Variants in SOX13 observed in about 807,000 individuals in gnomAD.
SOX13 encodes the protein SRY-box transcription factor 13.
In SOX13, 28 loss-of-function variants were observed where a neutral mutation model predicts 71.8. The ratio of observed to expected loss-of-function variants is 0.39; its 90% CI spans 0.29 to 0.53. The LOEUF (loss-of-function observed/expected upper bound fraction) is 0.53. SOX13 is among the 20% of genes least tolerant of loss of function. The pLI, the probability that SOX13 is intolerant of heterozygous loss-of-function variation, is 0.70. For synonymous variants in SOX13, 309 were observed against 317.8 expected (o/e 0.97, Z 0.29); for missense variants, 627 against 810.3 (o/e 0.77, Z 2.75).
In SOX13 at chr1:204,117,159, A is replaced by G. The variant is rs765761015; in HGVS notation, c.629A>G (p.His210Arg). ...CAGCAGCAGCTGATTCAGCAGCAGC[A>G]TAAGATCAACCTCCTTCAGCAGCAG... is the stretch of plus-strand genomic sequence containing the variant. ...KQQQQLIQQQHKINLLQQQIQ... is the reference protein window; with the variant it reads ...KQQQQLIQQQRKINLLQQQIQ... The change falls in exon 6 of 14, where the codon CAT becomes CGT. Residue 210 changes from histidine to arginine, a missense_variant. Physicochemically the swap from His to Arg is conservative, Grantham distance 29. Coordinates refer to ENST00000367204, the MANE Select transcript of SOX13 (RefSeq NM_005686.3). The G allele has an allele frequency of 9.9e-6, 16 of 1,613,896 alleles. No individual in the cohort carries two copies. The highest frequency in any genetic ancestry group is 4.5e-5 in the East Asian group (2 of 44,894).
chr1:204,097,808 C>T (rs1183780871), intron 1 of SOX13, among the ~76,000 whole-genome samples: 1 of 151,958 alleles, frequency 6.6e-6, no homozygotes. Flanking sequence ...TCAATGGCCA[C>T]CTCCTGGATG....
At chr1:204,115,368 G>A (rs969458266) in intron 4 of SOX13, among the ~76,000 whole-genome samples, 2 of 150,896 alleles carry the variant, frequency 1.3e-5, no homozygotes, top group African/African-American at 2.4e-5. Flanking sequence ...CTTTAAAACC[G>A]TACAGATGCC....
intron 1 of SOX13, among the ~76,000 whole-genome samples, chr1:204,097,477 A>C (rs1656273876): frequency 1.3e-5 from 2 of 152,140 alleles, no homozygotes; most frequent in Non-Finnish European, 2.9e-5. Flanking sequence ...GGATCACCTG[A>C]GGTCGGGAGT....
At chr1:204,103,943 T>A (rs554420398) in intron 1 of SOX13, among the ~76,000 whole-genome samples, 1 of 152,298 alleles carries the variant, frequency 6.6e-6, no homozygotes, top group Non-Finnish European at 1.5e-5. Flanking sequence ...AGCAGTCCCA[T>A]CTGTCTCTTT....
At chr1:204,074,387 T>G (rs1044026342) in intron 1 of SOX13, 1 of 140,042 alleles carries the variant, frequency 7.1e-6, no homozygotes, top group Admixed American at 7.2e-5. Context: ...TGGGATATCG[T>G]AGGTGAGCCT....
intron 4 of SOX13, 64 bp downstream of exon 4, chr1:204,114,669 C>T (rs893768667): frequency 4.8e-5 from 61 of 1,267,922 alleles, no homozygotes; most frequent in Middle Eastern, 2.2e-4. Context: ...GGTCTGGCCA[C>T]GCAGCCTGGC....
chr1:204,123,893 A>C lies in SOX13; in HGVS notation c.1375+89A>C, dbSNP rs949478870. On this transcript the variant is annotated intron_variant, in intron 12 of 13. Transcript: ENST00000367204. This position sits in a 1 kb window ranked among gnomAD's most constrained non-coding sequence, Gnocchi z 5.0. ...TTCAGGGCTTGCTTGGTGATATTCC[A>C]TACTGTGTTGGACTCCAGTGGAATC... 9.0e-5 allele frequency: 131 copies of C among 1,458,138 alleles called. 1 individual carries two copies. The highest frequency in any genetic ancestry group is 7.0e-4 in the Admixed American group (38 of 54,392). 90.3% of individuals were successfully genotyped at this position (1,458,138 alleles called of 1,614,324 possible).
intron 1 of SOX13, among the ~76,000 whole-genome samples, chr1:204,089,810 G>A (rs966138351): frequency 6.6e-6 from 1 of 152,314 alleles, no homozygotes; most frequent in East Asian, 1.9e-4. Flanking sequence ...ATTCCTGGAG[G>A]TGCGTCCCTT....
At position 204,122,930 on chromosome 1, in the gene SOX13, C is replaced by T. The variant is rs1231703997; in HGVS notation, c.1101C>T (p.Ala367=). The change falls in exon 10 of 14, where the codon GCC becomes GCT. Residue 367 remains alanine, a synonymous_variant. Transcript: ENST00000367204. ...ARQLLHSHSG[A]LDGSPNTPFR... is the part of the protein sequence containing the mutation. ...AGCTGCTGCACAGCCACAGTGGGGC[C>T]TTGGATGGCTCCCCCAACACCCCCT... is the stretch of plus-strand genomic sequence containing the variant. The T allele has an allele frequency of 1.3e-6, 2 of 1,590,426 alleles. No individual in the cohort carries two copies. Among genetic ancestry groups the T allele is most frequent in the Non-Finnish European group, 1.7e-6 (2 of 1,167,526 alleles).
At chr1:204,108,764 G>A (rs548176875) in intron 1 of SOX13, among the ~76,000 whole-genome samples, 14 of 152,222 alleles carry the variant, frequency 9.2e-5, no homozygotes, top group Non-Finnish European at 1.9e-4. Flanking sequence ...CACTTCCTTT[G>A]GCTTTATTGC....
intron 1 of SOX13, among the ~76,000 whole-genome samples, chr1:204,098,468 G>C (rs1286535654): frequency 6.7e-6 from 1 of 149,876 alleles, no homozygotes; most frequent in African/African-American, 2.5e-5. Context: ...GACAGAGCGA[G>C]ACTCAAAAAA....
At chr1:204,124,896 G>A (rs1285262974) in intron 13 of SOX13, 39 bp downstream of exon 13, 2 of 1,433,024 alleles carry the variant, frequency 1.4e-6, no homozygotes, top group Non-Finnish European at 1.9e-6. Flanking sequence ...GAGACTGTGT[G>A]TACATGTGTA....
At chr1:204,089,642 C>G (rs1184936560) in intron 1 of SOX13, among the ~76,000 whole-genome samples, 1 of 152,206 alleles carries the variant, frequency 6.6e-6, no homozygotes, top group African/African-American at 2.4e-5. Flanking sequence ...GGTGGAATTT[C>G]ACTTGGCGGC....
chr1:204,089,303 C>G (rs770144942), intron 1 of SOX13, among the ~76,000 whole-genome samples: 1 of 152,138 alleles, frequency 6.6e-6, no homozygotes, highest in Non-Finnish European at 1.5e-5. Flanking sequence ...TGAGCCCAGC[C>G]CCGTGTGGGG....
chr1:204,126,391 A>G lies in SOX13; in HGVS notation c.*257A>G. Reference sequence around the variant, plus strand: ...CTGAGCACCTCAGCCTTTAGGGCTTATGGCCAGGGGACACTGTATGACTCT... The same window carrying G: ...CTGAGCACCTCAGCCTTTAGGGCTTGTGGCCAGGGGACACTGTATGACTCT... On this transcript the variant is annotated 3_prime_UTR_variant, in exon 14 of 14. Transcript: ENST00000367204. 1 of 542,026 alleles carries G rather than the reference A, an allele frequency of 1.8e-6. No homozygotes were observed. Among genetic ancestry groups the G allele is most frequent in the South Asian group, 2.1e-5 (1 of 46,570 alleles). The allele number at this position is 542,026 out of a possible 1,614,324, so 33.6% of individuals were successfully genotyped here. A position where few individuals can be genotyped will look rare whatever the true frequency, so the allele number is the denominator to read the frequency against.
intron 13 of SOX13, among the ~76,000 whole-genome samples, chr1:204,125,577 CAAAA>C (rs1008863665): frequency 2.0e-5 from 3 of 152,150 alleles, no homozygotes; most frequent in Admixed American, 2.0e-4. Flanking sequence ...TATAAGTAAA[CAAAA>C]CATAAAATAT....
intron 1 of SOX13, among the ~76,000 whole-genome samples, chr1:204,107,267 G>A (rs1427959462): frequency 1.3e-5 from 2 of 152,230 alleles, no homozygotes; most frequent in African/African-American, 4.8e-5. Context: ...AAGTCAGCCT[G>A]TGGCAGGGCA....
In SOX13 at chr1:204,126,224, GTA is replaced by G; in HGVS notation, c.*91_*92del. On this transcript the variant is annotated 3_prime_UTR_variant, in exon 14 of 14. Coordinates refer to ENST00000367204, the MANE Select transcript of SOX13 (RefSeq NM_005686.3). ...AGCCAGCCAACCTAAGACTATGTTG[GTA>G]CTTGGACTTGTTCGTGCCCCAGAGA... 1 of 1,406,236 alleles carries G rather than the reference GTA, an allele frequency of 7.1e-7. No individual in the cohort carries two copies. Among genetic ancestry groups the G allele is most frequent in the Non-Finnish European group, 9.8e-7 (1 of 1,023,416 alleles). 87.1% of individuals were successfully genotyped at this position (1,406,236 alleles called of 1,614,324 possible).
chr1:204,123,689 C>T lies in SOX13; in HGVS notation c.1260C>T (p.Asn420=), dbSNP rs776117552. Residue 420 remains asparagine (N), a synonymous_variant, in exon 12 of 14, where the codon AAC becomes AAT. Coordinates refer to ENST00000367204, the MANE Select transcript of SOX13 (RefSeq NM_005686.3). The surrounding 1 kb of genome is among the most constrained non-coding windows in gnomAD (Gnocchi z 5.0). ...CCCGCCACTTCCCCGAGTCCCGAAACAGCAGCCACATCAAGAGGCCCATGA... is the reference window on the plus strand; with the variant it reads ...CCCGCCACTTCCCCGAGTCCCGAAATAGCAGCCACATCAAGAGGCCCATGA... ...DGSRHFPESR[N]SSHIKRPMNA... 1 of 1,614,136 alleles carries T rather than the reference C, an allele frequency of 6.2e-7. No individual in the cohort carries two copies. The highest frequency in any genetic ancestry group is 1.1e-5 in the South Asian group (1 of 91,080).
Sources: allele counts gnomAD v4.1 joint callset (sites outside exome capture counted in the v4.1 genomes callset), GRCh38; gene constraint gnomAD v4.1.1; non-coding constraint Gnocchi (gnomAD v3.1); transcripts MANE v1.5; gene names NCBI Gene and HGNC (gene_info 2026-07-23, HGNC 2026-07-21).